The following PCDHA2 variants were observed in gnomAD, a reference collection of about 807,000 sequenced individuals.
PCDHA2 encodes protocadherin alpha-2.
A neutral mutation model predicts 66.0 loss-of-function variants in PCDHA2; 58 were observed. The observed-to-expected ratio is 0.88, with a 90% CI of 0.71 to 1.09. The LOEUF (loss-of-function observed/expected upper bound fraction) is 1.09, where lower values mean the gene tolerates loss of function less well. Among genes scored for constraint, PCDHA2 ranks in the 50% least tolerant of loss-of-function variants. The probability of loss-of-function intolerance (pLI) is 0.00; values close to 1 mark genes in which losing one functional copy is unlikely to be tolerated. For missense variants in PCDHA2, 1,267 were observed against 1,242.3 expected (o/e 1.02, Z -0.30); for synonymous variants, 634 against 554.0 (o/e 1.14, Z -2.03).
At chr5:140,993,462 T>TCACACACACACACACACA (rs3836747) in intron 3 of PCDHA2, among the ~76,000 whole-genome samples, 2 of 140,938 alleles carry the variant, frequency 1.4e-5, no homozygotes, top group African/African-American at 5.3e-5. Flanking sequence ...TCTTTCTTTC[T>TCACACACACACACACACA]CACACACACA....
chr5:140,997,668 T>TTGTGTGTG lies in PCDHA2; in HGVS notation c.2537-11937_2537-11930dup, dbSNP rs35184029. 2.7e-3 allele frequency among the ~76,000 whole-genome samples: 400 copies of TTGTGTGTG among 148,342 alleles called. 5 individuals carry two copies. The East Asian group carries it at 0.038, about 14-fold the overall frequency. The stretch of plus-strand genomic sequence containing the variant: ...AATGCAATATGTATTATTATACAGC[T>TTGTGTGTG]TGTGTGTGTGTGTGTGTGTGTGTGT... On this transcript the variant is annotated intron_variant, in intron 3 of 3. Transcript: ENST00000526136.
chr5:140,870,427 G>A, intron 1 of PCDHA2: 1 of 1,614,220 alleles, frequency 6.2e-7, no homozygotes, highest in Non-Finnish European at 8.5e-7. Flanking sequence ...CAGGGTATCC[G>A]TGGAGGTGGC....
chr5:140,852,042 T>C, intron 1 of PCDHA2: 1 of 921,096 alleles, frequency 1.1e-6, no homozygotes, highest in African/African-American at 1.8e-5. Context: ...GAGTTTTTGT[T>C]ATGTGGTTTA....
intron 1 of PCDHA2, chr5:140,809,309 T>A: frequency 6.2e-7 from 1 of 1,614,110 alleles, no homozygotes; most frequent in Non-Finnish European, 8.5e-7. Context: ...CTGCGCGGTG[T>A]CCAGCCTTTT....
At position 140,835,665 on chromosome 5, in the gene PCDHA2, C is replaced by A. The variant is rs2150241242; in HGVS notation, c.2388+38313C>A. On this transcript the variant is annotated intron_variant, in intron 1 of 3. Coordinates refer to ENST00000526136, the MANE Select transcript of PCDHA2 (RefSeq NM_018905.3). ...CGCCTATGAGCTGGTGGTTACCGCG[C>A]GGGACGGGGGCTCGCCTTCTCTGTG... 5 of 1,613,890 alleles carry A rather than the reference C, an allele frequency of 3.1e-6. No individual in the cohort carries two copies. In the East Asian group the frequency reaches 6.7e-5, roughly 22 times the overall value.
At chr5:140,913,414 C>T (rs1451385869) in intron 1 of PCDHA2, among the ~76,000 whole-genome samples, 3 of 152,102 alleles carry the variant, frequency 2.0e-5, no homozygotes, top group African/African-American at 7.2e-5. Context: ...TGAATTCCTG[C>T]AGTATCAGTT....
Position 140,871,165 on chromosome 5 carries a change from C to A in PCDHA2, c.2388+73813C>A, listed in dbSNP as rs1044550712. 1.4e-5 allele frequency: 22 copies of A among 1,613,372 alleles called. No individual in the cohort carries two copies. Among genetic ancestry groups the A allele is most frequent in the Non-Finnish European group, 1.7e-5 (20 of 1,179,938 alleles). On this transcript the variant is annotated intron_variant, in intron 1 of 3. Transcript: ENST00000526136. ...CCGGACTTTGGCGGGCGCCGCGAGCCCAGAGGCTGCGCTGGTGGATGTCAA... is the reference window on the plus strand; with the variant it reads ...CCGGACTTTGGCGGGCGCCGCGAGCACAGAGGCTGCGCTGGTGGATGTCAA...
intron 1 of PCDHA2, chr5:140,800,950 A>C (rs1762617449): frequency 4.5e-6 from 5 of 1,105,698 alleles, no homozygotes; most frequent in Non-Finnish European, 1.2e-6. Flanking sequence ...TTCAAACGAC[A>C]TACAAGGAAA....
chr5:140,954,996 A>G (rs879953600), intron 1 of PCDHA2, among the ~76,000 whole-genome samples: 16 of 152,214 alleles, frequency 1.1e-4, no homozygotes, highest in Non-Finnish European at 1.6e-4. Flanking sequence ...GCATATGGCT[A>G]GCCAATTCTC....
At chr5:140,835,618 C>T (rs1562347401) in intron 1 of PCDHA2, 1 of 1,613,946 alleles carries the variant, frequency 6.2e-7, no homozygotes, top group South Asian at 1.1e-5. Context: ...CTGGACAGCG[C>T]TCTGGACCGC....
At chr5:140,797,484 GAATT>G in intron 1 of PCDHA2, 132 bp downstream of exon 1, 1 of 1,023,302 alleles carries the variant, frequency 9.8e-7, no homozygotes, top group Non-Finnish European at 1.4e-6. Context: ...TTTTGAATAT[GAATT>G]AGAGATCAAT....
rs188796483 is a variant in PCDHA2 at position 140,869,402 on chromosome 5, C to T, written c.2388+72050C>T. On this transcript the variant is annotated intron_variant, in intron 1 of 3. Transcript: ENST00000526136. The stretch of plus-strand genomic sequence containing the variant: ...CGCGAGGAGCTGTGCGGGCAGAGCG[C>T]GGAGTGCAGCATCCACCTGGAGGTG... 9.6e-4 allele frequency: 1,554 copies of T among 1,614,178 alleles called. 9 individuals are homozygous for T. The highest frequency in any genetic ancestry group is 2.2e-4 in the Non-Finnish European group (262 of 1,180,040).
In PCDHA2 at chr5:140,806,050, C is replaced by T. The variant is rs114948794; in HGVS notation, c.2388+8698C>T. Among the ~76,000 whole-genome samples the T allele has an allele frequency of 6.5e-3, 995 of 152,236 alleles. 12 individuals carry two copies. Among genetic ancestry groups the T allele is most frequent in the Non-Finnish European group, 9.3e-3 (633 of 68,002 alleles). On this transcript the variant is annotated intron_variant, in intron 1 of 3. Coordinates refer to ENST00000526136, the MANE Select transcript of PCDHA2 (RefSeq NM_018905.3). ...ATAAATTAATGTAATAAATGGCCCA[C>T]GCGATTCCACCCTGGTGCTGCAGTT...
intron 1 of PCDHA2, chr5:140,850,866 G>T: frequency 6.3e-7 from 1 of 1,592,796 alleles, no homozygotes; most frequent in Non-Finnish European, 8.6e-7. Flanking sequence ...AGAACCCTCT[G>T]CTTCCTCAGA....
chr5:140,850,309 C>T lies in PCDHA2; in HGVS notation c.2388+52957C>T, dbSNP rs2150478880. The stretch of plus-strand genomic sequence containing the variant: ...GTGGACGCCGACTCGGGCTACAACG[C>T]GTGGCTTTCATACGAGCTGCAGCCA... On this transcript the variant is annotated intron_variant, in intron 1 of 3. Coordinates refer to ENST00000526136, the MANE Select transcript of PCDHA2 (RefSeq NM_018905.3). 1.7e-5 allele frequency: 27 copies of T among 1,597,088 alleles called. 3 individuals carry two copies. Among genetic ancestry groups the T allele is most frequent in the Non-Finnish European group, 2.3e-5 (27 of 1,167,652 alleles).
intron 1 of PCDHA2, chr5:140,870,870 G>A: frequency 6.2e-7 from 1 of 1,613,948 alleles, no homozygotes; most frequent in Non-Finnish European, 8.5e-7. Flanking sequence ...CGGGCCACGT[G>A]GTGGCGAAGG....
chr5:141,004,311 C>T (rs2098161581), intron 3 of PCDHA2, among the ~76,000 whole-genome samples: 1 of 152,210 alleles, frequency 6.6e-6, no homozygotes, highest in South Asian at 2.1e-4. Context: ...TTTTATACAA[C>T]AACCAGAACA....
intron 1 of PCDHA2, among the ~76,000 whole-genome samples, chr5:140,950,924 T>C (rs1316182193): frequency 2.6e-5 from 4 of 152,104 alleles, no homozygotes; most frequent in Non-Finnish European, 5.9e-5. Flanking sequence ...TTCAGTTCTT[T>C]TTCTTTTCTT....
intron 1 of PCDHA2, chr5:140,884,345 C>A (rs782318945): frequency 1.2e-6 from 2 of 1,613,916 alleles, no homozygotes; most frequent in African/African-American, 2.7e-5. Flanking sequence ...AGAAGCGGCG[C>A]TGGTGGATGT....
Sources: gnomAD v4.1 joint callset for allele counts (sites outside exome capture counted in the v4.1 genomes callset) on GRCh38, gnomAD v4.1.1 for gene constraint, MANE v1.5 for transcripts, NCBI Gene and HGNC (gene_info 2026-07-23, HGNC 2026-07-21) for gene names.